The following AK9 variants were observed in gnomAD, a reference collection of about 807,000 sequenced individuals.
AK9 encodes the protein adenylate kinase domain containing 1.
In AK9, 191 loss-of-function variants were observed where a neutral mutation model predicts 239.6. That is an observed-to-expected ratio of 0.80 (90% CI 0.71 to 0.90). The LOEUF is 0.90. Among genes scored for constraint, AK9 ranks in the 40% least tolerant of loss-of-function variants. AK9 has a pLI of 0.00. For synonymous variants in AK9, 689 were observed against 721.0 expected, an observed-to-expected ratio of 0.96 and a Z score of 0.71; for missense variants, 1,995 against 2,214.7, an observed-to-expected ratio of 0.90 and a Z score of 1.99.
At chr6:109,598,857 C>T (rs558518143) in intron 17 of AK9, among the ~76,000 whole-genome samples, 53 of 152,346 alleles carry the variant, frequency 3.5e-4, no homozygotes, top group African/African-American at 1.3e-3. Flanking sequence ...TGTCTGTTGG[C>T]TGCAGAAATG....
At chr6:109,564,405 C>A in intron 22 of AK9, 125 bp from the exon 23 acceptor site, 2 of 647,148 alleles carry the variant, frequency 3.1e-6, no homozygotes, top group Non-Finnish European at 5.0e-6. Context: ...TTCTAAGCAA[C>A]AATATACATT....
At chr6:109,503,811 G>A (rs945101050) in intron 35 of AK9, among the ~76,000 whole-genome samples, 1 of 152,118 alleles carries the variant, frequency 6.6e-6, no homozygotes, top group Non-Finnish European at 1.5e-5. Flanking sequence ...CACAGCTTAC[G>A]CAAGTTATAC....
At chr6:109,551,283 C>T (rs547360117) in intron 24 of AK9, among the ~76,000 whole-genome samples, 9 of 152,038 alleles carry the variant, frequency 5.9e-5, no homozygotes, top group African/African-American at 1.9e-4. Flanking sequence ...TTTGGGAGGC[C>T]GAGGCGGGGT....
chr6:109,515,864 G>C lies in AK9; in HGVS notation c.4058C>G (p.Pro1353Arg). 1 of 1,550,346 alleles carries C rather than the reference G, an allele frequency of 6.5e-7. No individual in the cohort carries two copies. The highest frequency in any genetic ancestry group is 8.7e-7 in the Non-Finnish European group (1 of 1,145,858). ...TGCGTTTGCTGAAATTACCTTTACA[G>C]GGTCCCAATAGCCGAATGAGCTTAT... ...KYISSFGYWD[P>R]VKLSEGETIK... Residue 1353 changes from proline to arginine, a missense_variant, in exon 31 of 41, where the codon CCT becomes CGT. Around this residue, in one of 5 missense-constraint regions of AK9, gnomAD observed 1,290 missense variants for 1,392.7 expected, o/e 0.93. Transcript: ENST00000424296.
chr6:109,585,110 A>AGGCAGATTTTACCTTGCTTCTTCTT lies in AK9; in HGVS notation c.2102_2114+12dup. 1 of 1,136,772 alleles carries AGGCAGATTTTACCTTGCTTCTTCTT rather than the reference A, an allele frequency of 8.8e-7. No individual in the cohort carries two copies. The highest frequency in any genetic ancestry group is 1.1e-6 in the Non-Finnish European group (1 of 901,294). 70.4% of individuals were successfully genotyped at this position (1,136,772 alleles called of 1,614,324 possible). Reference sequence around the variant, plus strand: ...ATACATTAATCTGTTTTATCATTCTAGGCAGATTTTACCTTGCTTCTTCTT... The same window carrying AGGCAGATTTTACCTTGCTTCTTCTT: ...ATACATTAATCTGTTTTATCATTCTAGGCAGATTTTACCTTGCTTCTTCTTGGCAGATTTTACCTTGCTTCTTCTT... On this transcript the variant is annotated intron_variant, in intron 19 of 40. Transcript: ENST00000424296.
At position 109,632,904 on chromosome 6, in the gene AK9, CAGAT is replaced by C. The variant is rs769637260; in HGVS notation, c.1254+15_1254+18del. On this transcript the variant is annotated intron_variant, in intron 12 of 40. Coordinates refer to ENST00000424296, the MANE Select transcript of AK9 (RefSeq NM_001145128.3). ...ATAGATAGATAGATAGATAGATAGA[CAGAT>C]AGTTAGTTAGTCACCTTTCCTTTGT... The C allele has an allele frequency of 2.8e-5, 33 of 1,183,138 alleles. No homozygotes were observed. Among genetic ancestry groups the C allele is most frequent in the Middle Eastern group, 2.1e-4 (1 of 4,830 alleles). 73.3% of individuals were successfully genotyped at this position (1,183,138 alleles called of 1,614,324 possible).
At chr6:109,532,008 G>A (rs1029514207) in intron 28 of AK9, among the ~76,000 whole-genome samples, 5 of 152,168 alleles carry the variant, frequency 3.3e-5, no homozygotes, top group Non-Finnish European at 5.9e-5. Flanking sequence ...AAGATGAAAA[G>A]AATTTGAAAA....
intron 31 of AK9, 77 bp from the exon 32 acceptor site, chr6:109,514,514 AC>A (rs1341026451): frequency 1.5e-5 from 19 of 1,248,912 alleles, no homozygotes; most frequent in Non-Finnish European, 2.0e-5. Context: ...TTTGAAAAAA[AC>A]AATTCGTGAC....
chr6:109,571,348 T>C (rs771836951), intron 21 of AK9, among the ~76,000 whole-genome samples: 10 of 152,224 alleles, frequency 6.6e-5, no homozygotes, highest in Non-Finnish European at 1.2e-4. Flanking sequence ...AAATGCTATC[T>C]GAAGGAAGTT....
intron 29 of AK9, among the ~76,000 whole-genome samples, chr6:109,523,196 T>A (rs1027258044): frequency 1.1e-4 from 16 of 152,226 alleles, no homozygotes; most frequent in Admixed American, 9.8e-4. Flanking sequence ...ATGTTGATTT[T>A]AAAAAAATCC....
chr6:109,680,909 A>T (rs1772529279), intron 1 of AK9, among the ~76,000 whole-genome samples: 1 of 152,204 alleles, frequency 6.6e-6, no homozygotes, highest in Non-Finnish European at 1.5e-5. Flanking sequence ...ATGCTGAGAG[A>T]TTTTGTCAAA....
At chr6:109,667,657 G>T (rs1801416648) in intron 5 of AK9, among the ~76,000 whole-genome samples, 1 of 151,770 alleles carries the variant, frequency 6.6e-6, no homozygotes, top group Admixed American at 6.6e-5. Flanking sequence ...GCGGTGTTTG[G>T]TTTTTTGTCC....
intron 13 of AK9, among the ~76,000 whole-genome samples, chr6:109,616,643 T>C (rs1794224575): frequency 6.6e-6 from 1 of 152,044 alleles, no homozygotes; most frequent in Admixed American, 6.6e-5. Flanking sequence ...TCGCAGAGCA[T>C]TGGGATTACA....
intron 9 of AK9, among the ~76,000 whole-genome samples, chr6:109,642,910 T>C (rs768553954): frequency 6.6e-6 from 1 of 152,188 alleles, no homozygotes; most frequent in East Asian, 1.9e-4. Context: ...GGGAAAGATC[T>C]GATACAGCAT....
At chr6:109,536,746 C>T (rs940613951) in intron 27 of AK9, among the ~76,000 whole-genome samples, 5 of 151,976 alleles carry the variant, frequency 3.3e-5, no homozygotes, top group African/African-American at 9.7e-5. Context: ...GGGTTTGTCA[C>T]AAATAGCTCT....
intron 35 of AK9, among the ~76,000 whole-genome samples, chr6:109,505,634 C>T (rs959251802): frequency 7.9e-5 from 12 of 152,008 alleles, no homozygotes; most frequent in African/African-American, 2.4e-4. Context: ...ATCATGGACC[C>T]GTATAACTAC....
intron 37 of AK9, 25 bp downstream of exon 37, chr6:109,497,771 T>A: frequency 1.2e-6 from 2 of 1,604,232 alleles, no homozygotes; most frequent in Non-Finnish European, 1.7e-6. Flanking sequence ...TATCATTCTA[T>A]ACTTCCATGA....
rs148835392 is a variant in AK9, at chr6:109,586,195, A to G, written c.1843-123T>C. The G allele has an allele frequency of 4.6e-4, 397 of 870,092 alleles. 1 individual carries two copies. The African/African-American group carries it at 6.4e-3, about 14-fold the overall frequency. 53.9% of individuals were successfully genotyped at this position (870,092 alleles called of 1,614,324 possible). ...TGAGTTCTTCTTTCAAAAGGAAAAA[A>G]AAGGGTGACAATTTTTAAAGCTAAA... is the stretch of plus-strand genomic sequence containing the variant. On this transcript the variant is annotated intron_variant, in intron 17 of 40. Coordinates refer to ENST00000424296, the MANE Select transcript of AK9 (RefSeq NM_001145128.3).
At chr6:109,611,977 T>A (rs1347730508) in intron 16 of AK9, 33 bp downstream of exon 16, 2 of 1,397,276 alleles carry the variant, frequency 1.4e-6, no homozygotes, top group Admixed American at 2.5e-5. Flanking sequence ...AACCACAATC[T>A]AAAAGAATCA....
Sources: gnomAD v4.1 joint callset for allele counts (sites outside exome capture counted in the v4.1 genomes callset) on GRCh38, gnomAD v4.1.1 for gene constraint, gnomAD v4.1.1 regional missense constraint, MANE v1.5 for transcripts, NCBI Gene and HGNC (gene_info 2026-07-23, HGNC 2026-07-21) for gene names.